The following COL11A1 variants were observed in gnomAD, a reference collection of about 807,000 sequenced individuals.
The protein encoded by COL11A1 is collagen alpha-1(XI) chain.
A neutral mutation model predicts 265.2 loss-of-function variants in COL11A1; 74 were observed. The ratio of observed to expected loss-of-function variants is 0.28; its 90% confidence interval spans 0.23 to 0.34. COL11A1 has a LOEUF of 0.34. Among genes scored for constraint, COL11A1 ranks in the 10% least tolerant of loss-of-function variants. The pLI, the probability that COL11A1 is intolerant of heterozygous loss-of-function variation, is 1.00. For missense variants in COL11A1, 2,165 were observed against 2,263.6 expected (o/e 0.96, Z 0.88); for synonymous variants, 816 against 727.6 (o/e 1.12, Z -1.96).
In COL11A1 at chr1:103,008,445, C is replaced by A; in HGVS notation, c.1683+18G>T. 1.2e-6 allele frequency: 2 copies of A among 1,609,772 alleles called. No homozygotes were observed. The highest frequency in any genetic ancestry group is 1.7e-6 in the Non-Finnish European group (2 of 1,176,288). ...AAGAAGCCAGTCAAGAATAAAAAGT[C>A]AAATTTTTATTTTTTACCTGAGGAC... On this transcript the variant is annotated intron_variant, in intron 15 of 66. Coordinates refer to ENST00000370096, the MANE Select transcript of COL11A1 (RefSeq NM_001854.4).
At chr1:102,990,531 C>T (rs915783424) in intron 28 of COL11A1, among the ~76,000 whole-genome samples, 5 of 151,718 alleles carry the variant, frequency 3.3e-5, no homozygotes, top group African/African-American at 7.3e-5. Context: ...AAGAGAGGAA[C>T]GATTTGGGCT....
chr1:102,973,006 AT>A (rs1023593945), intron 36 of COL11A1, among the ~76,000 whole-genome samples: 2 of 152,006 alleles, frequency 1.3e-5, no homozygotes, highest in African/African-American at 2.4e-5. Flanking sequence ...TATATATAAA[AT>A]TTTTTCCTGC....
intron 60 of COL11A1, 43 bp from the exon 61 acceptor site, chr1:102,888,801 A>AT: frequency 6.2e-7 from 1 of 1,613,220 alleles, no homozygotes; most frequent in Non-Finnish European, 8.5e-7. Flanking sequence ...AATCTGGAGC[A>AT]TTTGTGTCTC....
chr1:102,940,094 C>T lies in COL11A1; in HGVS notation c.3384+233G>A, dbSNP rs560645415. On this transcript the variant is annotated intron_variant, in intron 43 of 66. Transcript: ENST00000370096. ...TGGCATCTACTAGTTTTTCTCACTA[C>T]CACTGTTCTTTTAATTGAGTTTTCT... Among the ~76,000 whole-genome samples, 36 of 152,136 alleles carry T rather than the reference C, an allele frequency of 2.4e-4. No individual in the cohort carries two copies. The South Asian group carries it at 6.9e-3, about 29-fold the overall frequency.
Position 103,062,968 on chromosome 1 carries a change from T to A in COL11A1, c.651+11650A>T, listed in dbSNP as rs572833915. Among the ~76,000 whole-genome samples, 15 of 152,000 alleles carry A rather than the reference T, an allele frequency of 9.9e-5. No individual in the cohort carries two copies. In the South Asian group the frequency reaches 2.9e-3, roughly 29 times the overall value. On this transcript the variant is annotated intron_variant, in intron 4 of 66. Transcript: ENST00000370096. ...TTGAAATTTATCACTCAACACTATT[T>A]ACATGAGCACTCAAAAAAGAAATAC...
chr1:103,093,815 C>T (rs1467254177), intron 1 of COL11A1, among the ~76,000 whole-genome samples: 1 of 152,116 alleles, frequency 6.6e-6, no homozygotes, highest in Non-Finnish European at 1.5e-5. Flanking sequence ...AAGTGGTCTA[C>T]TTGTCCAAAG....
intron 41 of COL11A1, among the ~76,000 whole-genome samples, chr1:102,960,134 T>C (rs140724447): frequency 4.0e-4 from 61 of 152,266 alleles, no homozygotes; most frequent in African/African-American, 1.4e-3. Flanking sequence ...TCTAATACAG[T>C]TATCAAAATA....
At position 103,078,536 on chromosome 1, in the gene COL11A1, G is replaced by A. The variant is rs547005476; in HGVS notation, c.488+122C>T. The A allele has an allele frequency of 7.2e-4, 583 of 814,142 alleles. 11 individuals are homozygous for A. Among genetic ancestry groups the A allele is most frequent in the South Asian group, 6.4e-3 (412 of 64,358 alleles). The allele number at this position is 814,142 out of a possible 1,614,324, so 50.4% of individuals were successfully genotyped here. A position where few individuals can be genotyped will look rare whatever the true frequency, so the allele number is the denominator to read the frequency against. On this transcript the variant is annotated intron_variant, in intron 3 of 66. Transcript: ENST00000370096. Reference sequence around the variant, plus strand: ...TAAATTATGTCTTTATGTATTTTTTGCTCATTTATTTATCACCAGCCTCTA... The same window carrying A: ...TAAATTATGTCTTTATGTATTTTTTACTCATTTATTTATCACCAGCCTCTA...
intron 46 of COL11A1, among the ~76,000 whole-genome samples, chr1:102,925,176 T>C (rs1656454695): frequency 6.6e-6 from 1 of 152,122 alleles, no homozygotes; most frequent in Non-Finnish European, 1.5e-5. Context: ...TGTGAGCCAC[T>C]GTGAAAAATG....
intron 57 of COL11A1, among the ~76,000 whole-genome samples, chr1:102,896,773 T>C (rs1303905001): frequency 2.6e-5 from 4 of 152,192 alleles, no homozygotes; most frequent in Non-Finnish European, 5.9e-5. Context: ...AGCATGGTGC[T>C]TTTTATTTCA....
chr1:103,064,054 C>T (rs1670879403), intron 4 of COL11A1, among the ~76,000 whole-genome samples: 1 of 152,100 alleles, frequency 6.6e-6, no homozygotes. Context: ...AAATTCAAAA[C>T]AGTGATGACA....
intron 54 of COL11A1, among the ~76,000 whole-genome samples, chr1:102,907,091 G>A (rs941843802): frequency 8.6e-5 from 13 of 152,026 alleles, no homozygotes; most frequent in Admixed American, 6.5e-4. Context: ...ATGCTCGATC[G>A]GGCTGACCTA....
At chr1:103,064,742 C>A (rs12733164) in intron 4 of COL11A1, among the ~76,000 whole-genome samples, 5,387 of 144,236 alleles carry the variant, frequency 0.037, 119 homozygotes, top group Middle Eastern at 0.099. Context: ...ACCTTAAATG[C>A]ATATTACTTG....
intron 35 of COL11A1, among the ~76,000 whole-genome samples, chr1:102,978,434 A>C (rs1424902785): frequency 6.6e-6 from 1 of 152,198 alleles, no homozygotes; most frequent in Non-Finnish European, 1.5e-5. Flanking sequence ...TTAAAATTTA[A>C]AAAATATCTA....
At chr1:102,967,942 C>T (rs545705938) in intron 37 of COL11A1, among the ~76,000 whole-genome samples, 1 of 152,240 alleles carries the variant, frequency 6.6e-6, no homozygotes, top group Non-Finnish European at 1.5e-5. Flanking sequence ...CTCATACATC[C>T]TAAGGGGAGA....
At chr1:103,007,043 G>A (rs549087687) in intron 15 of COL11A1, among the ~76,000 whole-genome samples, 9 of 150,402 alleles carry the variant, frequency 6.0e-5, no homozygotes, top group Middle Eastern at 3.4e-3. Flanking sequence ...CTTTCATTGC[G>A]CTTATAATGT....
At chr1:103,073,267 G>T (rs1454431782) in intron 4 of COL11A1, among the ~76,000 whole-genome samples, 2 of 151,752 alleles carry the variant, frequency 1.3e-5, no homozygotes, top group African/African-American at 4.8e-5. Flanking sequence ...CTGATACTGT[G>T]CTTTTGTCTT....
chr1:102,891,033 A>G (rs949270248), intron 57 of COL11A1, among the ~76,000 whole-genome samples: 1 of 152,096 alleles, frequency 6.6e-6, no homozygotes, highest in Non-Finnish European at 1.5e-5. Context: ...TTGCCTAATA[A>G]TATTCTATAG....
At chr1:103,051,244 C>A (rs61816513) in intron 4 of COL11A1, among the ~76,000 whole-genome samples, 20,931 of 152,258 alleles carry the variant, frequency 0.14, 1,549 homozygotes, top group African/African-American at 0.15. Context: ...CTGTGGTGGT[C>A]TCCACCCAGT....
Sources: gnomAD v4.1 joint callset for allele counts (sites outside exome capture counted in the v4.1 genomes callset) on GRCh38, gnomAD v4.1.1 for gene constraint, MANE v1.5 for transcripts, NCBI Gene and HGNC (gene_info 2026-07-23, HGNC 2026-07-21) for gene names.